The following ARID4B variants were observed in gnomAD, a reference collection of about 807,000 sequenced individuals.
ARID4B encodes the protein AT-rich interactive domain-containing protein 4B.
ARID4B carries 26 observed loss-of-function variants against 147.5 expected under a neutral mutation model. That is an observed-to-expected ratio of 0.18 (90% CI 0.13 to 0.24). The LOEUF (loss-of-function observed/expected upper bound fraction) is 0.24, where lower values mean the gene tolerates loss of function less well. Ranked by LOEUF, ARID4B falls within the 10% of genes least tolerant of loss-of-function variation. The pLI, the probability that ARID4B is intolerant of heterozygous loss-of-function variation, is 1.00. For synonymous variants in ARID4B, 512 were observed against 507.9 expected (o/e 1.01, Z -0.11); for missense variants, 1,179 against 1,511.5 (o/e 0.78, Z 3.65).
At chr1:235,263,823 TAA>T (rs539952097) in intron 2 of ARID4B, among the ~76,000 whole-genome samples, 2 of 143,550 alleles carry the variant, frequency 1.4e-5, no homozygotes, top group Admixed American at 7.0e-5. Flanking sequence ...CCGTCTCTAC[TAA>T]AAAAAAAAAA....
Position 235,236,862 on chromosome 1 carries a change from A to ATATAT in ARID4B, c.586-2371_586-2370insATATA, listed in dbSNP as rs1426582533. 6.3e-4 allele frequency among the ~76,000 whole-genome samples: 11 copies of ATATAT among 17,496 alleles called. 1 individual carries two copies. The highest frequency in any genetic ancestry group is 2.5e-3 in the Admixed American group (2 of 814). 11.5% of individuals were successfully genotyped at this position (17,496 alleles called of 152,430 possible). A position where few individuals can be genotyped will look rare whatever the true frequency, so the allele number is the denominator to read the frequency against. Reference sequence around the variant, plus strand: ...TATATATATATATATATATATATATATTTTTTTTTTTTTTTTTTTTTTTTT... The same window carrying ATATAT: ...TATATATATATATATATATATATATATATATTTTTTTTTTTTTTTTTTTTTTTTTT... On this transcript the variant is annotated intron_variant, in intron 8 of 23. Transcript: ENST00000264183.
chr1:235,314,651 A>T (rs1674305508), intron 2 of ARID4B, among the ~76,000 whole-genome samples: 1 of 152,218 alleles, frequency 6.6e-6, no homozygotes. Context: ...AAGTAGCAGG[A>T]AAAGAAAGGT....
chr1:235,192,515 G>A (rs1665181596), intron 19 of ARID4B, among the ~76,000 whole-genome samples: 1 of 151,746 alleles, frequency 6.6e-6, no homozygotes, highest in Non-Finnish European at 1.5e-5. Context: ...GTACAGTGGT[G>A]AGTAAATAAA....
chr1:235,226,391 T>TGC (rs1002104128), intron 11 of ARID4B, among the ~76,000 whole-genome samples: 5 of 152,164 alleles, frequency 3.3e-5, no homozygotes, highest in African/African-American at 9.7e-5. Context: ...GACAGAGTCT[T>TGC]GCTCTGTCGC....
chr1:235,250,185 A>C (rs933576654), intron 6 of ARID4B, among the ~76,000 whole-genome samples: 1 of 152,108 alleles, frequency 6.6e-6, no homozygotes, highest in Non-Finnish European at 1.5e-5. Context: ...TTTCCATGAA[A>C]ATCCTGAATT....
At chr1:235,232,245 C>A (rs1668284110) in intron 9 of ARID4B, among the ~76,000 whole-genome samples, 1 of 151,342 alleles carries the variant, frequency 6.6e-6, no homozygotes, top group Admixed American at 6.6e-5. Flanking sequence ...CATGGTGAAA[C>A]CCCATCTCTA....
intron 2 of ARID4B, among the ~76,000 whole-genome samples, chr1:235,261,680 G>A (rs1670306688): frequency 6.6e-6 from 1 of 152,170 alleles, no homozygotes; most frequent in African/African-American, 2.4e-5. Context: ...GGATTCGCTG[G>A]ATATTTACTC....
intron 2 of ARID4B, among the ~76,000 whole-genome samples, chr1:235,282,057 A>C (rs1390988604): frequency 6.6e-6 from 1 of 152,224 alleles, no homozygotes; most frequent in South Asian, 2.1e-4. Flanking sequence ...TATGAAATAA[A>C]AACAGTGAAA....
chr1:235,251,941 T>A (rs1485977019), intron 6 of ARID4B, among the ~76,000 whole-genome samples: 5 of 152,214 alleles, frequency 3.3e-5, no homozygotes, highest in African/African-American at 1.2e-4. Context: ...TAGAAAGTGC[T>A]GGTTAGAAAA....
At chr1:235,267,277 A>AAAAACAAAAC (rs963787580) in intron 2 of ARID4B, among the ~76,000 whole-genome samples, 12 of 152,212 alleles carry the variant, frequency 7.9e-5, no homozygotes, top group Admixed American at 6.5e-4. Context: ...GGCTCTGTCA[A>AAAAACAAAAC]AAAACAAAAC....
chr1:235,275,310 G>A (rs1480359962), intron 2 of ARID4B, among the ~76,000 whole-genome samples: 1 of 152,198 alleles, frequency 6.6e-6, no homozygotes, highest in Non-Finnish European at 1.5e-5. Flanking sequence ...GTTTTACTCT[G>A]CTATGAAGTT....
chr1:235,217,809 C>A (rs1268514579), intron 16 of ARID4B, among the ~76,000 whole-genome samples: 2 of 152,044 alleles, frequency 1.3e-5, no homozygotes, highest in Non-Finnish European at 2.9e-5. Context: ...TTTTCCACTG[C>A]AATTATCTAA....
intron 2 of ARID4B, among the ~76,000 whole-genome samples, chr1:235,305,267 G>A: frequency 6.6e-6 from 1 of 152,052 alleles, no homozygotes; most frequent in East Asian, 1.9e-4. Context: ...AAGAGGCAAG[G>A]AAACCAATTC....
chr1:235,231,175 C>G lies in ARID4B; in HGVS notation c.680G>C (p.Arg227Thr). The G allele has an allele frequency of 6.3e-7, 1 of 1,581,294 alleles. No homozygotes were observed. The highest frequency in any genetic ancestry group is 8.6e-7 in the Non-Finnish European group (1 of 1,163,792). Residue 227 changes from arginine (R) to threonine (T), a missense_variant, in exon 10 of 24, where the codon AGA becomes ACA. This residue lies in a region of ARID4B where 159 missense variants were observed against 190.5 expected (regional missense o/e 0.83). Coordinates refer to ENST00000264183, the MANE Select transcript of ARID4B (RefSeq NM_016374.6). ...ACTAGTAATTTCATGGACATCTTTTCTTGGAACTGAAGTACTATATATTTT... is the reference window on the plus strand; with the variant it reads ...ACTAGTAATTTCATGGACATCTTTTGTTGGAACTGAAGTACTATATATTTT... ...FKDGKFTSVP[R>T]KDVHEITSDT...
chr1:235,268,866 AAG>A (rs1308329997), intron 2 of ARID4B, among the ~76,000 whole-genome samples: 1 of 152,218 alleles, frequency 6.6e-6, no homozygotes, highest in Non-Finnish European at 1.5e-5. Context: ...AAAGCACAAG[AAG>A]AATCTGAAAC....
In ARID4B at chr1:235,168,790, C is replaced by T. The variant is rs186960299; in HGVS notation, c.3812-138G>A. 18 of 895,258 alleles carry T rather than the reference C, an allele frequency of 2.0e-5. No individual in the cohort carries two copies. In the African/African-American group the frequency reaches 2.7e-4, roughly 14 times the overall value. 55.5% of individuals were successfully genotyped at this position (895,258 alleles called of 1,614,324 possible). Reference sequence around the variant, plus strand: ...GCTTACAACAACAGTGGTCAATTCTCACAGTTCTACGATGTGAAGAAAGGA... The same window carrying T: ...GCTTACAACAACAGTGGTCAATTCTTACAGTTCTACGATGTGAAGAAAGGA... On this transcript the variant is annotated intron_variant, in intron 23 of 23. Transcript: ENST00000264183.
In ARID4B at chr1:235,181,471, C is replaced by G; in HGVS notation, c.3334+114G>C. 6 of 1,351,612 alleles carry G rather than the reference C, an allele frequency of 4.4e-6. No homozygotes were observed. The South Asian group carries it at 7.1e-5, about 16-fold the overall frequency. 83.7% of individuals were successfully genotyped at this position (1,351,612 alleles called of 1,614,324 possible). ...TTAAAATTTCCATTTTTACCATGTTCACACAAATATGACACTTAATCGCCT... is the reference window on the plus strand; with the variant it reads ...TTAAAATTTCCATTTTTACCATGTTGACACAAATATGACACTTAATCGCCT... On this transcript the variant is annotated intron_variant, in intron 20 of 23. Coordinates refer to ENST00000264183, the MANE Select transcript of ARID4B (RefSeq NM_016374.6).
chr1:235,307,087 GA>G (rs912528715), intron 2 of ARID4B, among the ~76,000 whole-genome samples: 3 of 151,824 alleles, frequency 2.0e-5, no homozygotes, highest in Non-Finnish European at 2.9e-5. Flanking sequence ...AAATTACAGA[GA>G]AAAAAAATTA....
At chr1:235,216,412 A>T (rs1667084218) in intron 16 of ARID4B, among the ~76,000 whole-genome samples, 1 of 151,678 alleles carries the variant, frequency 6.6e-6, no homozygotes, top group Non-Finnish European at 1.5e-5. Flanking sequence ...CAGTGGCGTG[A>T]TCTCAGCTCA....
Sources: allele counts gnomAD v4.1 joint callset (sites outside exome capture counted in the v4.1 genomes callset), GRCh38; gene constraint gnomAD v4.1.1; regional missense constraint gnomAD v4.1.1; transcripts MANE v1.5; gene names NCBI Gene and HGNC (gene_info 2026-07-23, HGNC 2026-07-21).